The following VPS8 variants were observed in gnomAD, a reference collection of about 807,000 sequenced individuals.
VPS8 encodes the protein VPS8 subunit of CORVET complex.
VPS8 carries 129 observed loss-of-function variants against 216.4 expected under a neutral mutation model. That is an observed-to-expected ratio of 0.60 (90% CI 0.52 to 0.69). VPS8 has a LOEUF of 0.69. Among genes scored for constraint, VPS8 ranks in the 30% least tolerant of loss-of-function variants. The pLI is 0.00. For synonymous variants in VPS8, 571 were observed against 565.4 expected (o/e 1.01, Z -0.14); for missense variants, 1,531 against 1,683.5 (o/e 0.91, Z 1.59).
At chr3:184,956,002 A>G (rs1745537309) in intron 36 of VPS8, among the ~76,000 whole-genome samples, 1 of 151,496 alleles carries the variant, frequency 6.6e-6, no homozygotes, top group Non-Finnish European at 1.5e-5. Flanking sequence ...TTTGGAATTT[A>G]TAGCCAATTT....
intron 42 of VPS8, among the ~76,000 whole-genome samples, chr3:184,984,417 C>G (rs1477372614): frequency 2.6e-5 from 4 of 151,312 alleles, no homozygotes; most frequent in African/African-American, 9.7e-5. Flanking sequence ...CCTCAGCCTC[C>G]CGAGTAGCTG....
At chr3:184,950,850 G>C (rs1274919307) in intron 36 of VPS8, among the ~76,000 whole-genome samples, 2 of 152,150 alleles carry the variant, frequency 1.3e-5, no homozygotes, top group African/African-American at 4.8e-5. Flanking sequence ...AGTTTGTTAA[G>C]CATGATGGCT....
In VPS8 at chr3:184,854,172, G is replaced by A. The variant is rs201816956; in HGVS notation, c.1034G>A (p.Arg345Gln). 3.7e-5 allele frequency: 59 copies of A among 1,613,480 alleles called. No individual in the cohort carries two copies. The highest frequency in any genetic ancestry group is 8.0e-5 in the African/African-American group (6 of 74,852). ...LKVWMTFPYGRMDPSSVPLLA... is the reference protein window; with the variant it reads ...LKVWMTFPYGQMDPSSVPLLA... ...GTATGGATGACTTTTCCCTATGGCC[G>A]GGTGAGTACGTCCCTCCATCTTATT... The change falls in exon 13 of 48, where the codon CGG becomes CAG. Residue 345 changes from arginine (R) to glutamine (Q), a missense_variant and splice_region_variant. This residue lies in a region of VPS8 where 1,318 missense variants were observed against 1,468.4 expected (regional missense o/e 0.90). Coordinates refer to ENST00000625842, the MANE Select transcript of VPS8 (RefSeq NM_001009921.3).
At chr3:184,901,908 G>C (rs752266700) in intron 25 of VPS8, among the ~76,000 whole-genome samples, 1 of 152,098 alleles carries the variant, frequency 6.6e-6, no homozygotes. Flanking sequence ...AACAATACTT[G>C]AGAGTTCCCG....
chr3:184,864,994 C>T (rs181333204), intron 16 of VPS8, among the ~76,000 whole-genome samples: 28 of 152,182 alleles, frequency 1.8e-4, no homozygotes, highest in Non-Finnish European at 2.9e-5. Flanking sequence ...AAAAGATGCA[C>T]ATCAGACTTC....
intron 7 of VPS8, among the ~76,000 whole-genome samples, chr3:184,842,483 T>C (rs1577845288): frequency 6.6e-6 from 1 of 152,240 alleles, no homozygotes; most frequent in East Asian, 1.9e-4. Context: ...ATTCTGGTTG[T>C]GCTTTGGGTA....
At chr3:185,010,645 T>A (rs1446681565) in intron 45 of VPS8, among the ~76,000 whole-genome samples, 1 of 151,158 alleles carries the variant, frequency 6.6e-6, no homozygotes, top group Non-Finnish European at 1.5e-5. Context: ...GGAGAAGAAA[T>A]GATTAGTGAA....
chr3:184,818,708 T>C (rs1716893128), intron 1 of VPS8, among the ~76,000 whole-genome samples: 1 of 152,112 alleles, frequency 6.6e-6, no homozygotes, highest in Non-Finnish European at 1.5e-5. Context: ...TATATCATGA[T>C]TTTGTGATTG....
chr3:184,866,769 A>G, intron 16 of VPS8, 107 bp from the exon 17 acceptor site: 2 of 1,017,708 alleles, frequency 2.0e-6, no homozygotes, highest in Non-Finnish European at 2.9e-6. Context: ...TATAATCACT[A>G]AAAAAGACGT....
At chr3:185,000,249 G>A (rs1753220458) in intron 45 of VPS8, among the ~76,000 whole-genome samples, 1 of 152,204 alleles carries the variant, frequency 6.6e-6, no homozygotes, top group Admixed American at 6.5e-5. Flanking sequence ...AAGTAGGGCT[G>A]ATGATGGACA....
At chr3:184,834,957 C>G (rs1720747209) in intron 5 of VPS8, 1 of 438,002 alleles carries the variant, frequency 2.3e-6, no homozygotes, top group Admixed American at 4.0e-5. Flanking sequence ...AAGTTCTGCT[C>G]AGAGTCTAGG....
At chr3:184,862,831 C>A in intron 15 of VPS8, 66 bp from the exon 16 acceptor site, 2 of 1,522,072 alleles carry the variant, frequency 1.3e-6, no homozygotes, top group Admixed American at 1.9e-5. Flanking sequence ...GCCAAGCTTT[C>A]TTCTTGACCC....
intron 3 of VPS8, 74 bp from the exon 4 acceptor site, chr3:184,832,615 A>T (rs1321132650): frequency 1.5e-6 from 2 of 1,367,502 alleles, no homozygotes; most frequent in African/African-American, 2.9e-5. Context: ...GCTCTGGAGA[A>T]ACCCATTAAT....
intron 21 of VPS8, among the ~76,000 whole-genome samples, chr3:184,875,103 G>C (rs1729017639): frequency 8.8e-6 from 1 of 113,940 alleles, no homozygotes; most frequent in Admixed American, 1.2e-4. Flanking sequence ...CTCAGATTCT[G>C]TATCTGTCTC....
intron 2 of VPS8, among the ~76,000 whole-genome samples, 199 bp from the exon 3 acceptor site, chr3:184,825,964 C>A (rs1718680115): frequency 6.6e-6 from 1 of 151,744 alleles, no homozygotes; most frequent in African/African-American, 2.4e-5. Flanking sequence ...CATATATGTC[C>A]TTGATGGTAA....
intron 26 of VPS8, among the ~76,000 whole-genome samples, chr3:184,914,648 A>G (rs896345298): frequency 2.0e-5 from 3 of 152,206 alleles, no homozygotes; most frequent in Non-Finnish European, 4.4e-5. Flanking sequence ...GCCATTAGGC[A>G]CCATCTTTCT....
chr3:184,923,954 C>T (rs776886510), intron 29 of VPS8, among the ~76,000 whole-genome samples: 27 of 152,216 alleles, frequency 1.8e-4, no homozygotes, highest in Non-Finnish European at 3.5e-4. Flanking sequence ...CTTATAATAG[C>T]AGTCATTATA....
intron 36 of VPS8, among the ~76,000 whole-genome samples, chr3:184,950,580 T>C (rs1424920699): frequency 6.6e-6 from 1 of 152,112 alleles, no homozygotes; most frequent in Non-Finnish European, 1.5e-5. Context: ...AAAATTTGAA[T>C]GTTATTTATT....
At chr3:185,025,885 T>A (rs187615759) in intron 46 of VPS8, among the ~76,000 whole-genome samples, 15 of 152,344 alleles carry the variant, frequency 9.8e-5, no homozygotes, top group Admixed American at 8.5e-4. Flanking sequence ...CTTGTGTAAA[T>A]TGGCCCCTCT....
Sources: allele counts gnomAD v4.1 joint callset (sites outside exome capture counted in the v4.1 genomes callset), GRCh38; gene constraint gnomAD v4.1.1; regional missense constraint gnomAD v4.1.1; transcripts MANE v1.5; gene names NCBI Gene and HGNC (gene_info 2026-07-23, HGNC 2026-07-21).